The following MCPH1 variants were observed in gnomAD, a reference collection of about 807,000 sequenced individuals.
MCPH1 encodes the protein microcephalin 1.
MCPH1 carries 104 observed loss-of-function variants against 84.5 expected under a neutral mutation model. The ratio of observed to expected loss-of-function variants is 1.23; its 90% CI spans 1.05 to 1.45. The LOEUF (loss-of-function observed/expected upper bound fraction) is 1.45, where lower values mean the gene tolerates loss of function less well. MCPH1 is among the 40% of genes most tolerant of loss of function. The pLI is 0.00. For synonymous variants in MCPH1, 514 were observed against 366.8 expected, an observed-to-expected ratio of 1.40 and a Z score of -4.58; for missense variants, 1,498 against 1,005.7, an observed-to-expected ratio of 1.49 and a Z score of -6.62.
At chr8:6,595,577 T>C (rs1320878843) in intron 12 of MCPH1, among the ~76,000 whole-genome samples, 1 of 152,164 alleles carries the variant, frequency 6.6e-6, no homozygotes, top group Non-Finnish European at 1.5e-5. Context: ...CCAGAAGAGA[T>C]GCGGGAGCCC....
At position 6,462,732 on chromosome 8, in the gene MCPH1, GAAT is replaced by G. The variant is rs1314473374; in HGVS notation, c.1935+7491_1935+7493del. On this transcript the variant is annotated intron_variant, in intron 9 of 13. Coordinates refer to ENST00000344683, the MANE Select transcript of MCPH1 (RefSeq NM_024596.5). ...CTATACTTCTTTGTGTATAAAACAG[GAAT>G]AATAATAATAGTACCAGTCTCCTCA... is the stretch of plus-strand genomic sequence containing the variant. Among the ~76,000 whole-genome samples the G allele has an allele frequency of 3.9e-5, 6 of 152,222 alleles. No individual in the cohort carries two copies. The South Asian group carries it at 1.2e-3, about 32-fold the overall frequency.
chr8:6,523,135 C>G (rs1219240490), intron 12 of MCPH1, among the ~76,000 whole-genome samples: 5 of 151,922 alleles, frequency 3.3e-5, no homozygotes, highest in Non-Finnish European at 4.4e-5. Context: ...GTAGCTGGGA[C>G]TACAGGCGCA....
intron 9 of MCPH1, among the ~76,000 whole-genome samples, chr8:6,468,647 T>TA (rs35381580): frequency 1.4e-5 from 1 of 71,214 alleles, no homozygotes; most frequent in Non-Finnish European, 2.4e-5. Flanking sequence ...ATTTTTTTGG[T>TA]TTTTTTTTTT....
intron 10 of MCPH1, 111 bp downstream of exon 10, chr8:6,477,742 A>G: frequency 1.2e-6 from 1 of 831,960 alleles, no homozygotes. Flanking sequence ...TATCACTTTT[A>G]CTTTATAAAA....
At position 6,499,662 on chromosome 8, in the gene MCPH1, C is replaced by T. The variant is rs143176391; in HGVS notation, c.2137-190C>T. On this transcript the variant is annotated intron_variant, in intron 11 of 13. Coordinates refer to ENST00000344683, the MANE Select transcript of MCPH1 (RefSeq NM_024596.5). ...TGTTATCGTGAGACTTTTTCTCAATCAACTTTTTATTAATATTCATAACAT... is the reference window on the plus strand; with the variant it reads ...TGTTATCGTGAGACTTTTTCTCAATTAACTTTTTATTAATATTCATAACAT... 4.3e-5 allele frequency: 24 copies of T among 556,284 alleles called. No individual in the cohort carries two copies. The South Asian group carries it at 5.0e-4, about 12-fold the overall frequency. 34.5% of individuals were successfully genotyped at this position (556,284 alleles called of 1,614,324 possible). A position where few individuals can be genotyped will look rare whatever the true frequency, so the allele number is the denominator to read the frequency against.
chr8:6,423,243 G>A (rs1800525279), intron 3 of MCPH1, among the ~76,000 whole-genome samples: 1 of 137,442 alleles, frequency 7.3e-6, no homozygotes, highest in South Asian at 2.3e-4. Context: ...AGGCTGGAGT[G>A]CAGTGGTGCA....
intron 13 of MCPH1, chr8:6,625,426 C>A: frequency 3.0e-6 from 3 of 985,388 alleles, no homozygotes; most frequent in Non-Finnish European, 3.6e-6. Context: ...TCCATTATAA[C>A]AAATGCTTCT....
chr8:6,646,036 G>T lies in MCPH1; in HGVS notation c.*2987G>T, dbSNP rs763279255. 1 of 152,190 alleles carries T rather than the reference G, an allele frequency of 6.6e-6. No individual in the cohort carries two copies. Among genetic ancestry groups the T allele is most frequent in the Non-Finnish European group, 1.5e-5 (1 of 68,030 alleles). 9.4% of individuals were successfully genotyped at this position (152,190 alleles called of 1,614,324 possible). On this transcript the variant is annotated 3_prime_UTR_variant, in exon 14 of 14. Transcript: ENST00000344683. The stretch of plus-strand genomic sequence containing the variant: ...CTGATGCTAAATCTTTTATGAAAAT[G>T]CAAAGAACCTCTAGTAGACAAAACA...
intron 12 of MCPH1, among the ~76,000 whole-genome samples, chr8:6,516,176 G>A (rs1362187676): frequency 1.3e-5 from 2 of 152,326 alleles, no homozygotes; most frequent in South Asian, 2.1e-4. Flanking sequence ...TTAATCTGAT[G>A]TAGAAAATCA....
In MCPH1 at chr8:6,644,466, T is replaced by A. The variant is rs1340330735; in HGVS notation, c.*1417T>A. ...AACCCTAAAGACTCTGCCAAAAGGC[T>A]CCTGGAACCGATAAATGACTTAAGT... On this transcript the variant is annotated 3_prime_UTR_variant, in exon 14 of 14. Transcript: ENST00000344683. 6.6e-6 allele frequency: 1 copy of A among 152,166 alleles called. No individual in the cohort carries two copies. Among genetic ancestry groups the A allele is most frequent in the Non-Finnish European group, 1.5e-5 (1 of 68,048 alleles). The allele number at this position is 152,166 out of a possible 1,614,324, so 9.4% of individuals were successfully genotyped here. A position where few individuals can be genotyped will look rare whatever the true frequency, so the allele number is the denominator to read the frequency against.
At chr8:6,408,467 C>T (rs536872709) in intron 1 of MCPH1, among the ~76,000 whole-genome samples, 3 of 152,094 alleles carry the variant, frequency 2.0e-5, no homozygotes, top group Non-Finnish European at 4.4e-5. Context: ...AGCAATCCTC[C>T]CGCCTCCACC....
intron 12 of MCPH1, among the ~76,000 whole-genome samples, chr8:6,559,295 G>A (rs975704522): frequency 2.6e-5 from 4 of 151,926 alleles, no homozygotes; most frequent in Non-Finnish European, 5.9e-5. Flanking sequence ...GGGCTAGCGG[G>A]CTGGGTTCCC....
At chr8:6,497,207 G>A (rs914527770) in intron 11 of MCPH1, among the ~76,000 whole-genome samples, 19 of 151,986 alleles carry the variant, frequency 1.3e-4, no homozygotes, top group Admixed American at 1.1e-3. Context: ...AGGGCTGGGT[G>A]CGGTGGCTCA....
At position 6,548,749 on chromosome 8, in the gene MCPH1, C is replaced by G. The variant is rs184052020; in HGVS notation, c.2214+48820C>G. 1.5e-3 allele frequency among the ~76,000 whole-genome samples: 225 copies of G among 152,306 alleles called. 1 individual carries two copies. The highest frequency in any genetic ancestry group is 5.2e-3 in the African/African-American group (218 of 41,556). ...ATTATTGTGTATAACAAGCATCTCT[C>G]TCTGATGATGCTGGAAAAAAAGAAG... On this transcript the variant is annotated intron_variant, in intron 12 of 13. Coordinates refer to ENST00000344683, the MANE Select transcript of MCPH1 (RefSeq NM_024596.5).
Position 6,438,934 on chromosome 8 carries a change from A to AT in MCPH1, c.437-13dup, listed in dbSNP as rs552555248. The AT allele has an allele frequency of 1.0e-4, 161 of 1,609,604 alleles. No homozygotes were observed. The highest frequency in any genetic ancestry group is 1.2e-4 in the Non-Finnish European group (147 of 1,177,868). On this transcript the variant is annotated intron_variant, in intron 5 of 13. Coordinates refer to ENST00000344683, the MANE Select transcript of MCPH1 (RefSeq NM_024596.5). Reference sequence around the variant, plus strand: ...AAGGCACTTTTTGGTCTTAAAGTGGATTTTTTGTTTATTTTCAGATGATGA... The same window carrying AT: ...AAGGCACTTTTTGGTCTTAAAGTGGATTTTTTTGTTTATTTTCAGATGATGA...
At chr8:6,625,701 T>C (rs996111931) in intron 13 of MCPH1, 2 of 982,166 alleles carry the variant, frequency 2.0e-6, no homozygotes, top group African/African-American at 3.5e-5. Flanking sequence ...GGAGCTTGGC[T>C]TGAGCCCATA....
Position 6,439,062 on chromosome 8 carries a change from G to C in MCPH1, c.546G>C (p.Glu182Asp), listed in dbSNP as rs1396085854. ...HHSAMEKRLQ[E>D]MKEKRENLSP... ...GCGCAATGGAGAAGAGATTACAAGA[G>C]ATGAAGGAGAAAAGGGAAAATCTTT... The change falls in exon 6 of 14, where the codon GAG becomes GAC. Residue 182 changes from glutamate (E) to aspartate (D), a missense_variant. Glu to Asp is a conservative substitution (Grantham distance 45). Transcript: ENST00000344683. 21 of 1,613,384 alleles carry C rather than the reference G, an allele frequency of 1.3e-5. No individual in the cohort carries two copies. Among genetic ancestry groups the C allele is most frequent in the Non-Finnish European group, 1.1e-5 (13 of 1,179,842 alleles).
intron 13 of MCPH1, chr8:6,626,469 G>GTTTTTTTT (rs1181554445): frequency 3.6e-6 from 3 of 827,432 alleles, no homozygotes; most frequent in African/African-American, 2.5e-5. Flanking sequence ...TGGTTTTTTT[G>GTTTTTTTT]TTTTGTTTTT....
intron 12 of MCPH1, among the ~76,000 whole-genome samples, chr8:6,601,522 G>GACACACACACACAC (rs144757663): frequency 6.9e-6 from 1 of 143,984 alleles, no homozygotes; most frequent in Non-Finnish European, 1.5e-5. Flanking sequence ...CATCATATGG[G>GACACACACACACAC]ACACACACAC....
Sources: gnomAD v4.1 joint callset for allele counts (sites outside exome capture counted in the v4.1 genomes callset) on GRCh38, gnomAD v4.1.1 for gene constraint, MANE v1.5 for transcripts, NCBI Gene and HGNC (gene_info 2026-07-23, HGNC 2026-07-21) for gene names.